The following PI4KA variants were observed in gnomAD, a reference collection of about 807,000 sequenced individuals.
PI4KA encodes the protein phosphatidylinositol 4-kinase alpha.
Under a neutral mutation model 271.4 loss-of-function variants are expected in PI4KA, and 122 were observed. The observed-to-expected ratio is 0.45, with a 90% confidence interval of 0.39 to 0.52. PI4KA has a LOEUF of 0.52. Among genes scored for constraint, PI4KA ranks in the 20% least tolerant of loss-of-function variants. The pLI is 0.00. For synonymous variants in PI4KA, 1,041 were observed against 1,078.8 expected (o/e 0.96, Z 0.69); for missense variants, 1,969 against 2,769.1 (o/e 0.71, Z 6.48).
chr22:20,750,222 G>A (rs569420589), intron 27 of PI4KA, among the ~76,000 whole-genome samples: 2 of 152,274 alleles, frequency 1.3e-5, no homozygotes, highest in South Asian at 2.1e-4. Flanking sequence ...CCTTCCTTAC[G>A]TGTGTGCAGA....
intron 31 of PI4KA, 87 bp downstream of exon 31, chr22:20,742,521 G>A (rs190669593): frequency 4.1e-5 from 64 of 1,562,006 alleles, no homozygotes; most frequent in East Asian, 2.3e-4. Flanking sequence ...CTCTTTCTCC[G>A]GCCAGTACTC....
chr22:20,817,373 C>T (rs1397163798), intron 7 of PI4KA, among the ~76,000 whole-genome samples: 1 of 152,044 alleles, frequency 6.6e-6, no homozygotes, highest in African/African-American at 2.4e-5. Flanking sequence ...TGACATGGCA[C>T]AGGGTAGTCA....
rs747977862 is a variant in PI4KA, at chr22:20,713,385, G to A, written c.5467C>T (p.Arg1823Trp). 5.1e-6 allele frequency: 8 copies of A among 1,572,110 alleles called. No individual in the cohort carries two copies. In the Admixed American group the frequency reaches 5.3e-5, roughly 10 times the overall value. Reference sequence around the variant, plus strand: ...TCATCCTCGGAGTCTGAGCGGCACCGCAGACCTGCCCGCAGGGAGAGAGGC... The same window carrying A: ...TCATCCTCGGAGTCTGAGCGGCACCACAGACCTGCCCGCAGGGAGAGAGGC... Reference protein sequence around the residue: ...GVSELEKEGLRCRSDSEDECS... With the variant: ...GVSELEKEGLWCRSDSEDECS... The change falls in exon 48 of 55, where the codon CGG (arginine) becomes TGG (tryptophan). Residue 1823 changes from arginine to tryptophan, a missense_variant. Coordinates refer to ENST00000255882, the MANE Select transcript of PI4KA (RefSeq NM_058004.4).
chr22:20,808,031 CT>C (rs1486607248), intron 9 of PI4KA, among the ~76,000 whole-genome samples: 2 of 152,088 alleles, frequency 1.3e-5, no homozygotes, highest in East Asian at 3.8e-4. Context: ...TGGCTCACGC[CT>C]GTAATCCCAG....
chr22:20,782,929 C>T (rs1933910461), intron 19 of PI4KA, among the ~76,000 whole-genome samples: 1 of 152,214 alleles, frequency 6.6e-6, no homozygotes, highest in African/African-American at 2.4e-5. Flanking sequence ...AAGACACCTC[C>T]TGCTCATCTC....
At chr22:20,739,133 C>G (rs1188667575) in intron 32 of PI4KA, among the ~76,000 whole-genome samples, 1 of 151,498 alleles carries the variant, frequency 6.6e-6, no homozygotes, top group African/African-American at 2.4e-5. Flanking sequence ...ATCACAAGGT[C>G]AGGAGATCGA....
In PI4KA at chr22:20,802,045, A is replaced by C. The variant is rs746994987; in HGVS notation, c.1652T>G (p.Val551Gly). 2.5e-6 allele frequency: 4 copies of C among 1,613,906 alleles called. No homozygotes were observed. Among genetic ancestry groups the C allele is most frequent in the Non-Finnish European group, 3.4e-6 (4 of 1,179,816 alleles). ...GGGCTGGCTCTTCTTACCCGACATG[A>C]CGTTCAGGGTTGACTCGGAATGCTC... ...TNEHSESTLN[V>G]MSGKKSQPSM... The change falls in exon 14 of 55, where the codon GTC becomes GGC. Residue 551 changes from valine to glycine, a missense_variant. Coordinates refer to ENST00000255882, the MANE Select transcript of PI4KA (RefSeq NM_058004.4).
chr22:20,772,735 A>G (rs1169136205), intron 19 of PI4KA, among the ~76,000 whole-genome samples: 1 of 152,226 alleles, frequency 6.6e-6, no homozygotes, highest in Admixed American at 6.5e-5. Flanking sequence ...GATCTTCCAG[A>G]CAATCCAGAA....
chr22:20,857,199 C>G (rs1476328231), intron 1 of PI4KA, among the ~76,000 whole-genome samples: 1 of 152,194 alleles, frequency 6.6e-6, no homozygotes, highest in Admixed American at 6.5e-5. Context: ...AGGGAACTGA[C>G]CTGTCTAGAG....
At chr22:20,714,602 G>A (rs1262079844) in intron 46 of PI4KA, 26 bp downstream of exon 46, 1 of 1,613,984 alleles carries the variant, frequency 6.2e-7, no homozygotes, top group Admixed American at 1.7e-5. Context: ...CGTGGAAGTG[G>A]GGGATGGGTA....
chr22:20,800,638 G>A (rs948553671), intron 14 of PI4KA, among the ~76,000 whole-genome samples: 5 of 150,948 alleles, frequency 3.3e-5, no homozygotes, highest in South Asian at 2.1e-4. Context: ...ACAGGTGGGC[G>A]GATCACAAGG....
chr22:20,747,388 A>C, intron 29 of PI4KA, 195 bp downstream of exon 29: 1 of 481,062 alleles, frequency 2.1e-6, no homozygotes, highest in Non-Finnish European at 3.6e-6. Context: ...ACAATAAGGA[A>C]ACACTCATTT....
At chr22:20,756,013 C>T (rs980106571) in intron 23 of PI4KA, among the ~76,000 whole-genome samples, 6 of 152,068 alleles carry the variant, frequency 3.9e-5, no homozygotes, top group Non-Finnish European at 8.8e-5. Flanking sequence ...TGGCACCTCA[C>T]ACCCAGCATG....
At chr22:20,847,147 C>CAA (rs752062607) in intron 1 of PI4KA, among the ~76,000 whole-genome samples, 4 of 74,902 alleles carry the variant, frequency 5.3e-5, no homozygotes, top group Admixed American at 3.1e-4. Flanking sequence ...GACTCCATCT[C>CAA]AAAAAAAAAA....
chr22:20,826,404 C>A lies in PI4KA; in HGVS notation c.368-1990G>T, dbSNP rs1261653556. Among the ~76,000 whole-genome samples the A allele has an allele frequency of 2.0e-5, 3 of 152,204 alleles. No homozygotes were observed. The Middle Eastern group carries it at 0.01, about 518-fold the overall frequency. ...ATCTTTTTCTTTTTTTATGGCTACACAGTACTCCACGGTACACATACGACA... is the reference window on the plus strand; with the variant it reads ...ATCTTTTTCTTTTTTTATGGCTACAAAGTACTCCACGGTACACATACGACA... On this transcript the variant is annotated intron_variant, in intron 3 of 54. Transcript: ENST00000255882.
intron 1 of PI4KA, among the ~76,000 whole-genome samples, chr22:20,853,650 C>T (rs1469675529): frequency 6.6e-6 from 1 of 152,152 alleles, no homozygotes; most frequent in Non-Finnish European, 1.5e-5. Context: ...GGTGGGACCC[C>T]AGTCTAAAGC....
chr22:20,814,002 T>C (rs1466805046), intron 7 of PI4KA, among the ~76,000 whole-genome samples: 1 of 152,214 alleles, frequency 6.6e-6, no homozygotes, highest in African/African-American at 2.4e-5. Flanking sequence ...TTTCGCCATG[T>C]TGGCCAGGCT....
chr22:20,800,441 C>T (rs189628975), intron 14 of PI4KA, among the ~76,000 whole-genome samples: 5 of 152,244 alleles, frequency 3.3e-5, no homozygotes, highest in African/African-American at 9.6e-5. Context: ...ATTTTAAAAC[C>T]TCACATTTAT....
At chr22:20,821,207 C>G (rs947306249) in intron 4 of PI4KA, among the ~76,000 whole-genome samples, 1 of 152,130 alleles carries the variant, frequency 6.6e-6, no homozygotes, top group Non-Finnish European at 1.5e-5. Context: ...TGAGCTTATA[C>G]ATAATTTTTA....
Sources: allele counts gnomAD v4.1 joint callset (sites outside exome capture counted in the v4.1 genomes callset), GRCh38; gene constraint gnomAD v4.1.1; transcripts MANE v1.5; gene names NCBI Gene and HGNC (gene_info 2026-07-23, HGNC 2026-07-21).